ABCB6: variants seen among roughly 807,000 people sequenced by gnomAD.
ABCB6 encodes the protein ATP-binding cassette sub-family B member 6.
In ABCB6, 87 loss-of-function variants were observed where a neutral mutation model predicts 99.4. The observed-to-expected ratio is 0.88, with a 90% CI of 0.74 to 1.05. The LOEUF (loss-of-function observed/expected upper bound fraction) is 1.05. ABCB6 is among the 50% of genes least tolerant of loss of function. The pLI, the probability that ABCB6 is intolerant of heterozygous loss-of-function variation, is 0.00. For synonymous variants in ABCB6, 482 were observed against 447.5 expected, an observed-to-expected ratio of 1.08 and a Z score of -0.97; for missense variants, 1,050 against 1,097.9, an observed-to-expected ratio of 0.96 and a Z score of 0.62.
rs763255664 is a variant in ABCB6 at position 219,218,594 on chromosome 2, A to C, written c.80T>G (p.Phe27Cys). ...AWMQDGLSPCFFFTLVPSTRM... is the reference protein window; with the variant it reads ...AWMQDGLSPCCFFTLVPSTRM... Reference sequence around the variant, plus strand: ...CGTCGAGGGCACGAGCGTGAAGAAGAAGCAGGGACTCAGGCCATCCTGCAT... The same window carrying C: ...CGTCGAGGGCACGAGCGTGAAGAAGCAGCAGGGACTCAGGCCATCCTGCAT... Residue 27 changes from phenylalanine (F) to cysteine (C), a missense_variant, in exon 1 of 19, where the codon TTC (phenylalanine) becomes TGC (cysteine). By Grantham distance (205) the Phe-to-Cys change is radical. Coordinates refer to ENST00000265316, the MANE Select transcript of ABCB6 (RefSeq NM_005689.4). 211 of 1,612,512 alleles carry C rather than the reference A, an allele frequency of 1.3e-4. No homozygotes were observed. The highest frequency in any genetic ancestry group is 6.6e-4 in the Middle Eastern group (4 of 6,050).
chr2:219,218,888 T>C lies in ABCB6; in HGVS notation c.-215A>G. 1 of 531,098 alleles carries C rather than the reference T, an allele frequency of 1.9e-6. No homozygotes were observed. The highest frequency in any genetic ancestry group is 3.2e-6 in the Non-Finnish European group (1 of 309,582). 32.9% of individuals were successfully genotyped at this position (531,098 alleles called of 1,614,324 possible). On this transcript the variant is annotated 5_prime_UTR_variant, in exon 1 of 19. Transcript: ENST00000265316. ...CCGCCACGCACTCACGCAGGGCACG[T>C]ACGCCGTCTCAGCACGGCCCCGCTG...
chr2:219,210,869 A>G (rs1195877700), intron 15 of ABCB6, 46 bp from the exon 16 acceptor site: 2 of 1,612,390 alleles, frequency 1.2e-6, no homozygotes, highest in African/African-American at 2.7e-5. Context: ...CGGAGGGAAC[A>G]GGGGTCAGGG....
At chr2:219,211,636 T>G (rs1476230543) in intron 14 of ABCB6, among the ~76,000 whole-genome samples, 2 of 148,578 alleles carry the variant, frequency 1.3e-5, no homozygotes, top group Admixed American at 1.3e-4. Context: ...TTTTTTTTTT[T>G]TTTTTGTTTT....
Position 219,214,410 on chromosome 2 carries a change from G to C in ABCB6, c.1365C>G (p.Asp455Glu). 6.2e-7 allele frequency: 1 copy of C among 1,614,066 alleles called. No individual in the cohort carries two copies. The highest frequency in any genetic ancestry group is 2.2e-5 in the East Asian group (1 of 44,886). ...TTACCGTCTCGAAGTTTAGCAGAGA[G>C]TCCACTGCTCGTGCCCGGGTAGCGT... Reference protein sequence around the residue: ...QENATRARAVDSLLNFETVKY... With the variant: ...QENATRARAVESLLNFETVKY... Residue 455 changes from aspartate (D) to glutamate (E), a missense_variant, in exon 7 of 19, where the codon GAC becomes GAG. By Grantham distance (45) the Asp-to-Glu change is conservative (BLOSUM62 2). Transcript: ENST00000265316.
chr2:219,217,891 G>A (rs537440857), intron 1 of ABCB6, 84 bp from the exon 2 acceptor site: 1 of 1,434,214 alleles, frequency 7.0e-7, no homozygotes, highest in South Asian at 1.3e-5. Context: ...GGGGACTGGT[G>A]TCATGAACAC....
intron 1 of ABCB6, 119 bp downstream of exon 1, chr2:219,218,006 C>T: frequency 7.1e-7 from 1 of 1,399,352 alleles, no homozygotes; most frequent in Non-Finnish European, 9.5e-7. Context: ...GGACTCAGCC[C>T]CTCCCTTCTC....
At position 219,218,772 on chromosome 2, in the gene ABCB6, C is replaced by T; in HGVS notation, c.-99G>A. On this transcript the variant is annotated 5_prime_UTR_variant, in exon 1 of 19. Coordinates refer to ENST00000265316, the MANE Select transcript of ABCB6 (RefSeq NM_005689.4). ...GCGCGGACATCCGGGTGCCTTGGCT[C>T]ACGTAGCCGCTGGGCGCCAAGCTGC... 2.3e-6 allele frequency: 3 copies of T among 1,327,642 alleles called. No homozygotes were observed. The highest frequency in any genetic ancestry group is 3.0e-6 in the Non-Finnish European group (3 of 1,000,646). 82.2% of individuals were successfully genotyped at this position (1,327,642 alleles called of 1,614,324 possible).
In ABCB6 at chr2:219,216,707, G is replaced by A; in HGVS notation, c.813C>T (p.Leu271=). 6.3e-7 allele frequency: 1 copy of A among 1,597,286 alleles called. No homozygotes were observed. Among genetic ancestry groups the A allele is most frequent in the Non-Finnish European group, 8.5e-7 (1 of 1,172,216 alleles). The change falls in exon 3 of 19, where the codon CTC becomes CTT. Residue 271 remains leucine (L), a synonymous_variant. Coordinates refer to ENST00000265316, the MANE Select transcript of ABCB6 (RefSeq NM_005689.4). The surrounding 1 kb of genome is among the most constrained non-coding windows in gnomAD (Gnocchi z 4.2). The part of the protein sequence containing the change: ...LQLVVLICLG[L]MGLERALNVL... ...CATTGAGTGCCCGTTCCAAACCCAT[G>A]AGCCCCAGGCAGATGAGCACCACCA... is the stretch of plus-strand genomic sequence containing the variant.
rs765188273 is a variant in ABCB6 at position 219,213,885 on chromosome 2, G to A, written c.1519C>T (p.Leu507Phe). Residue 507 changes from leucine (L) to phenylalanine (F), a missense_variant, in exon 9 of 19, where the codon CTC (leucine) becomes TTC (phenylalanine). Leu to Phe is a conservative substitution (Grantham distance 22). Coordinates refer to ENST00000265316, the MANE Select transcript of ABCB6 (RefSeq NM_005689.4). ...AGCAGGGAGCCGGCGAGGAGCCCGA[G>A]CCCAATCACCAGGTTCTGGGTCTGA... ...LNQTQNLVIG[L>F]GLLAGSLLCA... The A allele has an allele frequency of 1.2e-6, 2 of 1,614,174 alleles. No individual in the cohort carries two copies. The highest frequency in any genetic ancestry group is 1.7e-6 in the Non-Finnish European group (2 of 1,180,040).
rs1393487271 is a variant in ABCB6, at chr2:219,218,173, A to G, written c.501T>C (p.Ser167=). Reference sequence around the variant, plus strand: ...CCCACCACCACTGTGGGCTGTTCCAAGACACCAGGGCCAAGTTCTCAGCTG... The same window carrying G: ...CCCACCACCACTGTGGGCTGTTCCAGGACACCAGGGCCAAGTTCTCAGCTG... ...AFAAENLALV[S]WNSPQWWWAR... Residue 167 remains serine (S), a synonymous_variant, in exon 1 of 19, where the codon TCT becomes TCC. Coordinates refer to ENST00000265316, the MANE Select transcript of ABCB6 (RefSeq NM_005689.4). The G allele has an allele frequency of 6.2e-7, 1 of 1,613,664 alleles. No homozygotes were observed. The highest frequency in any genetic ancestry group is 1.1e-5 in the South Asian group (1 of 91,080).
rs1950676402 is a variant in ABCB6, at chr2:219,218,448, G to A, written c.226C>T (p.Gln76Ter). ...AGPRISPYVL[Q>*]LLLATLQAAL... is the part of the protein sequence containing the mutation. ...GCCTGAAGTGTGGCCAGAAGCAGCTGCAGCACGTAGGGAGAGATGCGAGGG... is the reference window on the plus strand; with the variant it reads ...GCCTGAAGTGTGGCCAGAAGCAGCTACAGCACGTAGGGAGAGATGCGAGGG... The change falls in exon 1 of 19, where the codon CAG becomes TAG. Residue 76 changes from glutamine to a stop codon, truncating the protein, a stop_gained. Coordinates refer to ENST00000265316, the MANE Select transcript of ABCB6 (RefSeq NM_005689.4). LOFTEE classifies it high-confidence loss of function. 4.3e-6 allele frequency: 7 copies of A among 1,609,430 alleles called. No individual in the cohort carries two copies. The highest frequency in any genetic ancestry group is 5.1e-6 in the Non-Finnish European group (6 of 1,178,266).
chr2:219,215,300 A>G (rs895493345), intron 5 of ABCB6: 24 of 547,278 alleles, frequency 4.4e-5, no homozygotes, highest in Non-Finnish European at 6.8e-5. Flanking sequence ...TCAGGCATGG[A>G]AGAAAAATAT....
Position 219,213,434 on chromosome 2 carries a change from C to A in ABCB6, c.1719+5G>T, listed in dbSNP as rs774734219. 1.2e-6 allele frequency: 2 copies of A among 1,614,238 alleles called. No homozygotes were observed. The highest frequency in any genetic ancestry group is 1.7e-6 in the Non-Finnish European group (2 of 1,180,040). Reference sequence around the variant, plus strand: ...CCCAAACCCTACTCCTCTCCCTTCGCTCACTTCTGTCTCCTCTTTCAGCAA... The same window carrying A: ...CCCAAACCCTACTCCTCTCCCTTCGATCACTTCTGTCTCCTCTTTCAGCAA... On this transcript the variant is annotated splice_donor_5th_base_variant and intron_variant, in intron 11 of 18. Coordinates refer to ENST00000265316, the MANE Select transcript of ABCB6 (RefSeq NM_005689.4).
chr2:219,212,277 T>C, intron 14 of ABCB6, 110 bp downstream of exon 14: 1 of 826,792 alleles, frequency 1.2e-6, no homozygotes. Flanking sequence ...CATGCTAGAA[T>C]GGCCCTAGTT....
chr2:219,210,110 G>T, intron 18 of ABCB6, 64 bp from the exon 19 acceptor site: 1 of 1,596,838 alleles, frequency 6.3e-7, no homozygotes, highest in Non-Finnish European at 8.6e-7. Context: ...CTTGCCACCA[G>T]CCCACAGAGA....
rs1950597105 is a variant in ABCB6, at chr2:219,213,011, G to T, written c.1860C>A (p.Ala620=). The T allele has an allele frequency of 6.2e-7, 1 of 1,613,856 alleles. No individual in the cohort carries two copies. The highest frequency in any genetic ancestry group is 8.5e-7 in the Non-Finnish European group (1 of 1,179,942). ...SFTVMPGQTL[A]LVGPSGAGKS... Reference sequence around the variant, plus strand: ...AAGTGGCTGGGTCTCCTCTCACCAGGGCAAGTGTCTGTCCAGGCATCACAG... The same window carrying T: ...AAGTGGCTGGGTCTCCTCTCACCAGTGCAAGTGTCTGTCCAGGCATCACAG... Residue 620 remains alanine, a synonymous_variant, in exon 13 of 19, where the codon GCC becomes GCA. Coordinates refer to ENST00000265316, the MANE Select transcript of ABCB6 (RefSeq NM_005689.4).
rs916835650 is a variant in ABCB6, at chr2:219,210,754, G to A, written c.2213C>T (p.Ala738Val). Residue 738 changes from alanine (A) to valine (V), a missense_variant, in exon 16 of 19, where the codon GCC becomes GTC. Transcript: ENST00000265316. ...SGGEKQRVAI[A>V]RTILKAPGII... ...GCCCGGAGCCTTGAGGATGGTGCGG[G>A]CAATGGCGACGCGCTGCTTCTCCCC... The A allele has an allele frequency of 2.5e-6, 4 of 1,613,622 alleles. No individual in the cohort carries two copies. The highest frequency in any genetic ancestry group is 4.5e-5 in the East Asian group (2 of 44,888).
chr2:219,215,665 C>G (rs948459418), intron 5 of ABCB6: 1 of 191,894 alleles, frequency 5.2e-6, no homozygotes, highest in African/African-American at 2.3e-5. Context: ...TGCTTGAACC[C>G]GGGAGGCAGA....
At chr2:219,214,304 C>T in intron 7 of ABCB6, 85 bp downstream of exon 7, 1 of 1,479,104 alleles carries the variant, frequency 6.8e-7, no homozygotes, top group South Asian at 1.1e-5. Flanking sequence ...CATCACACCC[C>T]CAGCTCTCTG....
Sources: allele counts gnomAD v4.1 joint callset (sites outside exome capture counted in the v4.1 genomes callset), GRCh38; gene constraint gnomAD v4.1.1; non-coding constraint Gnocchi (gnomAD v3.1); transcripts MANE v1.5; gene names NCBI Gene and HGNC (gene_info 2026-07-23, HGNC 2026-07-21).